The following CHD5 variants were observed in gnomAD, a reference collection of about 807,000 sequenced individuals.
CHD5 encodes the protein chromodomain helicase DNA binding protein 5, also known as ATP-dependent chromatin remodeler CHD5.
CHD5 carries 69 observed loss-of-function variants against 230.3 expected under a neutral mutation model. The observed-to-expected ratio is 0.30, with a 90% confidence interval of 0.25 to 0.37. The LOEUF is 0.37. Ranked by LOEUF, CHD5 falls within the 10% of genes least tolerant of loss-of-function variation. The probability of loss-of-function intolerance (pLI) is 1.00; values close to 1 mark genes in which losing one functional copy is unlikely to be tolerated. For missense variants in CHD5, 1,827 were observed against 2,622.8 expected (o/e 0.70, Z 6.63); for synonymous variants, 1,064 against 1,065.9 (o/e 1.00, Z 0.03).
intron 1 of CHD5, among the ~76,000 whole-genome samples, chr1:6,175,230 T>C (rs1255735294): frequency 1.6e-5 from 2 of 127,068 alleles, no homozygotes; most frequent in East Asian, 5.0e-4. Flanking sequence ...GGATGCGTGG[T>C]TGGATTGTGG....
At chr1:6,138,641 G>A (rs748532616) in intron 15 of CHD5, among the ~76,000 whole-genome samples, 5 of 152,198 alleles carry the variant, frequency 3.3e-5, no homozygotes, top group African/African-American at 7.2e-5. Context: ...TCTTTTAGCC[G>A]AGCATCGGTC....
At chr1:6,153,515 C>A (rs1022062705) in intron 5 of CHD5, among the ~76,000 whole-genome samples, 21 of 152,300 alleles carry the variant, frequency 1.4e-4, no homozygotes, top group African/African-American at 5.1e-4. Context: ...ATCCCCGGAG[C>A]CCCCTCAGCC....
At chr1:6,174,040 G>T (rs1041240592) in intron 1 of CHD5, among the ~76,000 whole-genome samples, 5 of 152,220 alleles carry the variant, frequency 3.3e-5, no homozygotes, top group Middle Eastern at 3.4e-3. Flanking sequence ...GGCCTGGGGG[G>T]AGTCACCCTG....
Position 6,179,931 on chromosome 1 carries a change from C to T in CHD5, c.79+14G>A. ...CCGCCGCTCTGGCCCCAGGCGCACCCGCGCCCCGCTCACCTGACATCTCGT... is the reference window on the plus strand; with the variant it reads ...CCGCCGCTCTGGCCCCAGGCGCACCTGCGCCCCGCTCACCTGACATCTCGT... On this transcript the variant is annotated intron_variant, in intron 1 of 41. Coordinates refer to ENST00000262450, the MANE Select transcript of CHD5 (RefSeq NM_015557.3). The T allele has an allele frequency of 7.7e-7, 1 of 1,300,320 alleles. No homozygotes were observed. Among genetic ancestry groups the T allele is most frequent in the Non-Finnish European group, 1.0e-6 (1 of 1,004,776 alleles). 80.5% of individuals were successfully genotyped at this position (1,300,320 alleles called of 1,614,324 possible).
At position 6,134,876 on chromosome 1, in the gene CHD5, G is replaced by C. The variant is rs751449048; in HGVS notation, c.2871-17C>G. On this transcript the variant is annotated splice_polypyrimidine_tract_variant and intron_variant, in intron 18 of 41. Transcript: ENST00000262450. The surrounding 1 kb of genome is among the most constrained non-coding windows in gnomAD (Gnocchi z 6.3). ...TAGTACTTCCTGCAGCAGGGCACGA[G>C]GAAAGGCAGGCTGGGTCAGACCCGC... is the stretch of plus-strand genomic sequence containing the variant. The C allele has an allele frequency of 3.1e-6, 5 of 1,613,878 alleles. No individual in the cohort carries two copies. The African/African-American group carries it at 6.7e-5, about 22-fold the overall frequency.
At position 6,128,689 on chromosome 1, in the gene CHD5, C is replaced by T; in HGVS notation, c.3620-80G>A. 1 of 1,314,968 alleles carries T rather than the reference C, an allele frequency of 7.6e-7. No homozygotes were observed. The highest frequency in any genetic ancestry group is 1.1e-6 in the Non-Finnish European group (1 of 921,160). The allele number at this position is 1,314,968 out of a possible 1,614,324, so 81.5% of individuals were successfully genotyped here. On this transcript the variant is annotated intron_variant, in intron 23 of 41. Transcript: ENST00000262450. This position sits in a 1 kb window ranked among gnomAD's most constrained non-coding sequence, Gnocchi z 7.8. ...GGCGGGCAGTGCCCAGAGACACCAC[C>T]CTGGGCTGTCCTAGCCAGGAGATAC...
At chr1:6,110,654 C>A in intron 36 of CHD5, 128 bp from the exon 37 acceptor site, 1 of 928,608 alleles carries the variant, frequency 1.1e-6, no homozygotes, top group Non-Finnish European at 1.6e-6. Context: ...TCAGGCAAGT[C>A]CTTAAGCCCA....
At chr1:6,144,814 C>T (rs1316123667) in intron 11 of CHD5, among the ~76,000 whole-genome samples, 4 of 152,226 alleles carry the variant, frequency 2.6e-5, no homozygotes, top group Non-Finnish European at 4.4e-5. Context: ...AGGAGGCACA[C>T]AGACCCGGTG....
Position 6,159,221 on chromosome 1 carries a change from A to C in CHD5, c.387+115T>G. The C allele has an allele frequency of 4.8e-6, 7 of 1,447,204 alleles. No individual in the cohort carries two copies. The South Asian group carries it at 5.8e-5, about 12-fold the overall frequency. 89.6% of individuals were successfully genotyped at this position (1,447,204 alleles called of 1,614,324 possible). A position where few individuals can be genotyped will look rare whatever the true frequency, so the allele number is the denominator to read the frequency against. ...CACTCCAGCCTGGCAACAGAGTGAGACTCCATCACACACACACACACACAC... is the reference window on the plus strand; with the variant it reads ...CACTCCAGCCTGGCAACAGAGTGAGCCTCCATCACACACACACACACACAC... On this transcript the variant is annotated intron_variant, in intron 3 of 41. Transcript: ENST00000262450.
intron 33 of CHD5, among the ~76,000 whole-genome samples, chr1:6,119,861 TA>T (rs1346044997): frequency 6.5e-4 from 81 of 123,950 alleles, no homozygotes; most frequent in African/African-American, 2.4e-3. Context: ...TATATATATA[TA>T]TATTTTTTTT....
intron 38 of CHD5, among the ~76,000 whole-genome samples, chr1:6,107,188 GAA>G (rs1666193891): frequency 7.1e-6 from 1 of 140,036 alleles, no homozygotes; most frequent in Non-Finnish European, 1.6e-5. Flanking sequence ...AGGGATGGGG[GAA>G]GATGGAGGGA....
intron 5 of CHD5, 74 bp from the exon 6 acceptor site, chr1:6,152,610 C>T (rs1667023727): frequency 1.2e-6 from 2 of 1,602,884 alleles, no homozygotes; most frequent in African/African-American, 2.7e-5. Context: ...TCTCACTGAG[C>T]TCTCGGTTAC....
chr1:6,111,925 G>T, intron 35 of CHD5, 42 bp from the exon 36 acceptor site: 1 of 1,569,510 alleles, frequency 6.4e-7, no homozygotes, highest in Non-Finnish European at 8.8e-7. Context: ...AAGTGCCCCA[G>T]CTCTCACGCA....
At chr1:6,138,246 G>GGACA (rs546951088) in intron 15 of CHD5, among the ~76,000 whole-genome samples, 291 of 152,246 alleles carry the variant, frequency 1.9e-3, no homozygotes, top group Non-Finnish European at 3.3e-3. Context: ...GCGTGTTGGT[G>GGACA]GACATCTGTA....
intron 15 of CHD5, among the ~76,000 whole-genome samples, chr1:6,139,394 G>A (rs1264010209): frequency 2.0e-5 from 3 of 152,014 alleles, no homozygotes; most frequent in Admixed American, 6.6e-5. Context: ...CCACCACCAC[G>A]CCTGGCTAAT....
In CHD5 at chr1:6,144,175, T is replaced by C. The variant is rs769233684; in HGVS notation, c.1803-20A>G. On this transcript the variant is annotated intron_variant, in intron 11 of 41. Transcript: ENST00000262450. Reference sequence around the variant, plus strand: ...TCAAAGCTGCAACACGGTGAACAGATGTGGGTCGCTCAGAGCAGTGGCCAC... The same window carrying C: ...TCAAAGCTGCAACACGGTGAACAGACGTGGGTCGCTCAGAGCAGTGGCCAC... 6.2e-7 allele frequency: 1 copy of C among 1,614,078 alleles called. No homozygotes were observed. Among genetic ancestry groups the C allele is most frequent in the Non-Finnish European group, 8.5e-7 (1 of 1,180,012 alleles).
intron 15 of CHD5, among the ~76,000 whole-genome samples, chr1:6,141,471 C>T (rs1388546842): frequency 2.6e-5 from 4 of 151,492 alleles, no homozygotes; most frequent in South Asian, 2.1e-4. Flanking sequence ...CAAAATTAGC[C>T]GGCCATGATG....
chr1:6,163,723 C>A (rs902359714), intron 2 of CHD5, among the ~76,000 whole-genome samples: 37 of 152,172 alleles, frequency 2.4e-4, no homozygotes, highest in Admixed American at 1.8e-3. Flanking sequence ...GACCAAGCCA[C>A]GTGCAGGGGA....
At chr1:6,149,138 C>A (rs1233692781) in intron 8 of CHD5, 63 bp from the exon 9 acceptor site, 3 of 1,464,072 alleles carry the variant, frequency 2.0e-6, no homozygotes, top group Non-Finnish European at 2.7e-6. Flanking sequence ...GGCCCGACTC[C>A]CTCCCTCCCC....
Sources: gnomAD v4.1 joint callset for allele counts (sites outside exome capture counted in the v4.1 genomes callset) on GRCh38, gnomAD v4.1.1 for gene constraint, Gnocchi (gnomAD v3.1) non-coding constraint, MANE v1.5 for transcripts, NCBI Gene and HGNC (gene_info 2026-07-23, HGNC 2026-07-21) for gene names.